SHARPIN: variants seen among roughly 807,000 people sequenced by gnomAD.
SHARPIN encodes the protein SHANK associated RH domain interactor.
A neutral mutation model predicts 40.3 loss-of-function variants in SHARPIN; 25 were observed. The observed-to-expected ratio is 0.62, with a 90% confidence interval of 0.45 to 0.87. The LOEUF (loss-of-function observed/expected upper bound fraction) is 0.87. Ranked by LOEUF, SHARPIN falls within the 40% of genes least tolerant of loss-of-function variation. The pLI is 0.00. For missense variants in SHARPIN, 551 were observed against 516.1 expected (o/e 1.07, Z -0.66); for synonymous variants, 274 against 221.8 (o/e 1.24, Z -2.09).
intron 8 of SHARPIN, 33 bp downstream of exon 8, chr8:144,098,830 GCCC>G (rs764547124): frequency 7.0e-7 from 1 of 1,430,402 alleles, no homozygotes; most frequent in South Asian, 1.3e-5. Context: ...ATTCTGCCCT[GCCC>G]CCCACCTCCC....
Position 144,103,763 on chromosome 8 carries a change from G to C in SHARPIN, c.-10C>G, listed in dbSNP as rs1033498271. The C allele has an allele frequency of 2.6e-5, 36 of 1,366,364 alleles. No homozygotes were observed. The highest frequency in any genetic ancestry group is 2.9e-5 in the Non-Finnish European group (31 of 1,068,110). The allele number at this position is 1,366,364 out of a possible 1,614,324, so 84.6% of individuals were successfully genotyped here. ...CCGCTGGCGGCGCCATCTCCGGTCCGGCCGGGTCCCACCCCTCCGAGCGCG... is the reference window on the plus strand; with the variant it reads ...CCGCTGGCGGCGCCATCTCCGGTCCCGCCGGGTCCCACCCCTCCGAGCGCG... On this transcript the variant is annotated 5_prime_UTR_variant, in exon 1 of 9. Transcript: ENST00000398712.
At chr8:144,101,125 G>A (rs1234777067) in intron 2 of SHARPIN, among the ~76,000 whole-genome samples, 6 of 152,002 alleles carry the variant, frequency 3.9e-5, no homozygotes, top group African/African-American at 9.7e-5. Context: ...GTGAGCCACC[G>A]CGCCCGGCCC....
rs763145216 is a variant in SHARPIN at position 144,100,032 on chromosome 8, T to G, written c.414A>C (p.Glu138Asp). Residue 138 changes from glutamate to aspartate, a missense_variant, in exon 3 of 9, where the codon GAA (glutamate) becomes GAC (aspartate). Glu to Asp is a conservative substitution (Grantham distance 45, BLOSUM62 2). Coordinates refer to ENST00000398712, the MANE Select transcript of SHARPIN (RefSeq NM_030974.4). ...GACTGGGCAGGGAGACAGGGCATGC[T>G]TCTGGGCCCAAGGCTGGTGGTGAGT... ...KSNSPPALGP[E>D]ACPVSLPSPP... is the part of the protein sequence containing the mutation. 12 of 1,595,116 alleles carry G rather than the reference T, an allele frequency of 7.5e-6. No homozygotes were observed. The highest frequency in any genetic ancestry group is 1.0e-5 in the Non-Finnish European group (12 of 1,170,740).
chr8:144,103,330 G>A (rs1400479049), intron 1 of SHARPIN, 105 bp from the exon 2 acceptor site: 30 of 1,290,844 alleles, frequency 2.3e-5, no homozygotes, highest in Middle Eastern at 2.7e-4. Context: ...ACGGTCCTAA[G>A]CCCTGTACGC....
At position 144,103,734 on chromosome 8, in the gene SHARPIN, C is replaced by T; in HGVS notation, c.20G>A (p.Gly7Glu). ...CAAGTCCGAGGCCGCCGCCGCCGCC[C>T]CGCCCGCTGGCGGCGCCATCTCCGG... MAPPAG[G>E]AAAAASDLGS... Residue 7 changes from glycine (G) to glutamate (E), a missense_variant, in exon 1 of 9, where the codon GGG becomes GAG. Physicochemically the swap from Gly to Glu is moderately conservative, Grantham distance 98. Coordinates refer to ENST00000398712, the MANE Select transcript of SHARPIN (RefSeq NM_030974.4). 1.4e-6 allele frequency: 2 copies of T among 1,385,798 alleles called. No individual in the cohort carries two copies. Among genetic ancestry groups the T allele is most frequent in the Non-Finnish European group, 1.9e-6 (2 of 1,076,422 alleles). 85.8% of individuals were successfully genotyped at this position (1,385,798 alleles called of 1,614,324 possible).
chr8:144,101,193 C>T (rs1469047197), intron 2 of SHARPIN, among the ~76,000 whole-genome samples: 5 of 152,014 alleles, frequency 3.3e-5, no homozygotes, highest in Non-Finnish European at 4.4e-5. Context: ...CCCACACCAT[C>T]TAACAGACTT....
At chr8:144,100,175 G>A in intron 2 of SHARPIN, 106 bp from the exon 3 acceptor site, 1 of 1,404,180 alleles carries the variant, frequency 7.1e-7, no homozygotes, top group South Asian at 1.5e-5. Context: ...CCATGCCAGG[G>A]CCCTGCCTCA....
chr8:144,102,966 G>A (rs1378639944), intron 2 of SHARPIN, 85 bp downstream of exon 2: 26 of 1,537,714 alleles, frequency 1.7e-5, no homozygotes, highest in Middle Eastern at 3.8e-4. Context: ...TCCAGCAGTG[G>A]GGAAGGTGGA....
chr8:144,098,828 C>A, intron 8 of SHARPIN, 38 bp downstream of exon 8: 1 of 1,426,318 alleles, frequency 7.0e-7, no homozygotes, highest in South Asian at 1.3e-5. Flanking sequence ...GGATTCTGCC[C>A]TGCCCCCCAC....
At chr8:144,102,711 T>G in intron 2 of SHARPIN, 1 of 421,548 alleles carries the variant, frequency 2.4e-6, no homozygotes, top group Non-Finnish European at 4.4e-6. Flanking sequence ...ACTCTCCTGC[T>G]GCTCTTGGGA....
Position 144,099,756 on chromosome 8 carries a change from A to G in SHARPIN, c.606T>C (p.Arg202=), listed in dbSNP as rs1266301493. The G allele has an allele frequency of 6.2e-7, 1 of 1,613,364 alleles. No individual in the cohort carries two copies. Among genetic ancestry groups the G allele is most frequent in the East Asian group, 2.2e-5 (1 of 44,882 alleles). ...AQVAAVLAQH[R]VALSVQLQEA... ...CCTGAAGCTGAACACTCAGGGCCAC[A>G]CGATGCTGGGCCAGGACGGCTGCCA... The change falls in exon 4 of 9, where the codon CGT becomes CGC. Residue 202 remains arginine (R), a synonymous_variant. Transcript: ENST00000398712.
intron 2 of SHARPIN, chr8:144,102,808 G>T: frequency 1.6e-6 from 1 of 625,698 alleles, no homozygotes; most frequent in Non-Finnish European, 2.9e-6. Flanking sequence ...AGGAAGTGCA[G>T]GCTGAGGTTC....
intron 1 of SHARPIN, 44 bp downstream of exon 1, chr8:144,103,509 C>A: frequency 2.0e-6 from 3 of 1,519,560 alleles, no homozygotes; most frequent in Non-Finnish European, 2.6e-6. Flanking sequence ...CCGTGCCCTG[C>A]CCGGGCCAAG....
intron 4 of SHARPIN, 41 bp downstream of exon 4, chr8:144,099,662 T>A (rs973009541): frequency 6.2e-7 from 1 of 1,612,918 alleles, no homozygotes; most frequent in Non-Finnish European, 8.5e-7. Context: ...GGACCTGGGA[T>A]GGTCACGAGG....
Position 144,103,543 on chromosome 8 carries a change from C to T in SHARPIN, c.201+10G>A, listed in dbSNP as rs12549149. The T allele has an allele frequency of 0.91, 1,394,649 of 1,531,116 alleles. 637,283 individuals are homozygous for T. Among genetic ancestry groups the T allele is most frequent in the East Asian group, 1 (40,544 of 40,698 alleles). 94.8% of individuals were successfully genotyped at this position (1,531,116 alleles called of 1,614,324 possible). A position where few individuals can be genotyped will look rare whatever the true frequency, so the allele number is the denominator to read the frequency against. ...AGAGGACTGACCGCGCGCCCTCCGC[C>T]CCCACTCACCGCCCCAGGTCCCGCG... On this transcript the variant is annotated intron_variant, in intron 1 of 8. Coordinates refer to ENST00000398712, the MANE Select transcript of SHARPIN (RefSeq NM_030974.4).
At chr8:144,099,240 C>T (rs373246564) in intron 6 of SHARPIN, 35 bp from the exon 7 acceptor site, 85 of 1,612,886 alleles carry the variant, frequency 5.3e-5, no homozygotes, top group Non-Finnish European at 7.0e-5. Context: ...TGGGGCTGCA[C>T]CCCACCTCCC....
At position 144,103,563 on chromosome 8, in the gene SHARPIN, C is replaced by A. The variant is rs150993337; in HGVS notation, c.191G>T (p.Gly64Val). The A allele has an allele frequency of 2.9e-4, 437 of 1,531,756 alleles. No individual in the cohort carries two copies. The African/African-American group carries it at 5.3e-3, about 18-fold the overall frequency. 94.9% of individuals were successfully genotyped at this position (1,531,756 alleles called of 1,614,324 possible). A position where few individuals can be genotyped will look rare whatever the true frequency, so the allele number is the denominator to read the frequency against. Residue 64 changes from glycine to valine, a missense_variant, in exon 1 of 9, where the codon GGA (glycine) becomes GTA (valine). Gly to Val is a moderately radical substitution (Grantham distance 109). Transcript: ENST00000398712. ...TCCGCCCCCACTCACCGCCCCAGGTCCCGCGCCCAGCAGCTCCAGCCGGAA... is the reference window on the plus strand; with the variant it reads ...TCCGCCCCCACTCACCGCCCCAGGTACCGCGCCCAGCAGCTCCAGCCGGAA... Reference protein sequence around the residue: ...GRFRLELLGAGPGAVNLEWPL... With the variant: ...GRFRLELLGAVPGAVNLEWPL...
chr8:144,099,839 G>A lies in SHARPIN; in HGVS notation c.523C>T (p.Leu175=). The A allele has an allele frequency of 6.2e-7, 1 of 1,612,452 alleles. No individual in the cohort carries two copies. Among genetic ancestry groups the A allele is most frequent in the East Asian group, 2.2e-5 (1 of 44,872 alleles). The stretch of plus-strand genomic sequence containing the variant: ...ATAGCCCGGGCCAGGCTCCCTGCCA[G>A]CTCTTCTGCAGGGTAAGGAAAGGAC... ...SPGNLTEREE[L]AGSLARAIAG... The change falls in exon 4 of 9, where the codon CTG becomes TTG. Residue 175 remains leucine (L), a synonymous_variant. Coordinates refer to ENST00000398712, the MANE Select transcript of SHARPIN (RefSeq NM_030974.4).
chr8:144,100,016 G>C lies in SHARPIN; in HGVS notation c.430C>G (p.Leu144Val). Residue 144 changes from leucine to valine, a missense_variant, in exon 3 of 9, where the codon CTG becomes GTG. Coordinates refer to ENST00000398712, the MANE Select transcript of SHARPIN (RefSeq NM_030974.4). ...GTGGAGGCTTCCGGGGGACTGGGCA[G>C]GGAGACAGGGCATGCTTCTGGGCCC... ...ALGPEACPVS[L>V]PSPPEASTLK... The C allele has an allele frequency of 6.2e-7, 1 of 1,602,252 alleles. No individual in the cohort carries two copies. The highest frequency in any genetic ancestry group is 1.3e-5 in the African/African-American group (1 of 74,718).
Sources: gnomAD v4.1 joint callset for allele counts (sites outside exome capture counted in the v4.1 genomes callset) on GRCh38, gnomAD v4.1.1 for gene constraint, MANE v1.5 for transcripts, NCBI Gene and HGNC (gene_info 2026-07-23, HGNC 2026-07-21) for gene names.